Variants in IFT88 observed in about 807,000 individuals in gnomAD.
The protein encoded by IFT88 is intraflagellar transport protein 88 homolog.
In IFT88, 74 loss-of-function variants were observed where a neutral mutation model predicts 119.5. The observed-to-expected ratio is 0.62, with a 90% CI of 0.51 to 0.75. The LOEUF is 0.75. Among genes scored for constraint, IFT88 ranks in the 30% least tolerant of loss-of-function variants. IFT88 has a pLI of 0.00. For synonymous variants in IFT88, 279 were observed against 316.7 expected, an observed-to-expected ratio of 0.88 and a Z score of 1.26; for missense variants, 961 against 977.7, an observed-to-expected ratio of 0.98 and a Z score of 0.23.
intron 13 of IFT88, chr13:20,607,356 C>G (rs2043667456): frequency 3.6e-6 from 2 of 552,738 alleles, no homozygotes; most frequent in Non-Finnish European, 3.5e-6. Context: ...GTGCCCATGT[C>G]CTATGCACAC....
At chr13:20,588,296 C>T (rs2040075848) in intron 3 of IFT88, among the ~76,000 whole-genome samples, 1 of 151,818 alleles carries the variant, frequency 6.6e-6, no homozygotes, top group African/African-American at 2.4e-5. Context: ...AGTTCATTTT[C>T]CGTTGCTATT....
chr13:20,688,729 A>G (rs74036426), intron 24 of IFT88, among the ~76,000 whole-genome samples: 6,614 of 152,146 alleles, frequency 0.043, 187 homozygotes, highest in Middle Eastern at 0.075. Context: ...TATTGTAATT[A>G]TTATTTATTT....
At chr13:20,605,655 A>G (rs915053360) in intron 13 of IFT88, among the ~76,000 whole-genome samples, 1 of 152,146 alleles carries the variant, frequency 6.6e-6, no homozygotes, top group African/African-American at 2.4e-5. Context: ...TTAGTCCCAC[A>G]AGACTACTAC....
intron 24 of IFT88, among the ~76,000 whole-genome samples, chr13:20,681,801 A>G (rs1412049253): frequency 1.3e-5 from 2 of 152,240 alleles, no homozygotes; most frequent in Non-Finnish European, 2.9e-5. Context: ...GGCATCTCAA[A>G]AGCAGTCAGC....
chr13:20,631,258 G>A, intron 16 of IFT88, 156 bp downstream of exon 16: 1 of 573,100 alleles, frequency 1.7e-6, no homozygotes, highest in Non-Finnish European at 3.1e-6. Context: ...CAAGTGCCAG[G>A]CCAGGGGCTG....
At chr13:20,655,455 CAAAA>C (rs113356300) in intron 21 of IFT88, among the ~76,000 whole-genome samples, 1 of 145,460 alleles carries the variant, frequency 6.9e-6, no homozygotes. Flanking sequence ...AAAAAAAAAA[CAAAA>C]AAAACCACAC....
chr13:20,567,294 C>A (rs2035003195), intron 1 of IFT88, 38 bp downstream of exon 1: 1 of 152,260 alleles, frequency 6.6e-6, no homozygotes, highest in Admixed American at 6.5e-5. Context: ...CCTCAGGGCC[C>A]CTGGCAGCCG....
rs528587128 is a variant in IFT88 at position 20,626,043 on chromosome 13, C to CTTTTTT, written c.1299+224_1299+229dup. 4.0e-4 allele frequency among the ~76,000 whole-genome samples: 16 copies of CTTTTTT among 39,570 alleles called. 2 individuals are homozygous for CTTTTTT. Among genetic ancestry groups the CTTTTTT allele is most frequent in the African/African-American group, 1.3e-3 (11 of 8,578 alleles). 26.0% of individuals were successfully genotyped at this position (39,570 alleles called of 152,430 possible). ...ATTAATTTTTGCCTGTTTGTCGTTT[C>CTTTTTT]TTTTTTTTTTTTTTTTTTTTTTTTT... On this transcript the variant is annotated intron_variant, in intron 15 of 25. Coordinates refer to ENST00000351808, the MANE Select transcript of IFT88 (RefSeq NM_006531.5).
At chr13:20,648,868 G>C (rs1044822536) in intron 20 of IFT88, among the ~76,000 whole-genome samples, 2 of 152,120 alleles carry the variant, frequency 1.3e-5, no homozygotes, top group African/African-American at 4.8e-5. Context: ...CCAGAAGAGA[G>C]TTGGGAGGCT....
intron 2 of IFT88, 33 bp downstream of exon 2, chr13:20,574,508 T>C (rs928951522): frequency 1.7e-6 from 2 of 1,195,506 alleles, no homozygotes; most frequent in African/African-American, 3.0e-5. Context: ...TACATTGGTC[T>C]TGGTTAACCA....
At chr13:20,612,873 G>C (rs1355995408) in intron 13 of IFT88, among the ~76,000 whole-genome samples, 2 of 152,144 alleles carry the variant, frequency 1.3e-5, no homozygotes, top group Non-Finnish European at 2.9e-5. Flanking sequence ...AATTGTGCTG[G>C]GAAAAGTGGA....
chr13:20,606,199 C>T (rs2043418908), intron 13 of IFT88, among the ~76,000 whole-genome samples: 1 of 152,084 alleles, frequency 6.6e-6, no homozygotes, highest in African/African-American at 2.4e-5. Flanking sequence ...CAGTGGATGA[C>T]ACGTGGGGAG....
intron 24 of IFT88, among the ~76,000 whole-genome samples, chr13:20,682,726 A>G (rs1423110492): frequency 6.6e-6 from 1 of 152,238 alleles, no homozygotes; most frequent in Non-Finnish European, 1.5e-5. Flanking sequence ...AATATCATCT[A>G]TATAATGAAT....
intron 13 of IFT88, among the ~76,000 whole-genome samples, chr13:20,612,841 A>C (rs747127388): frequency 1.3e-4 from 20 of 152,354 alleles, no homozygotes; most frequent in Non-Finnish European, 2.2e-4. Context: ...ATTTAAGAGA[A>C]GAAAGGAGAG....
intron 7 of IFT88, among the ~76,000 whole-genome samples, chr13:20,594,913 T>A (rs533836024): frequency 6.6e-6 from 1 of 152,364 alleles, no homozygotes; most frequent in South Asian, 2.1e-4. Flanking sequence ...TTAAGAGAAC[T>A]ACTATCTATT....
intron 13 of IFT88, chr13:20,614,564 A>G (rs2139617049): frequency 6.6e-6 from 1 of 152,312 alleles, no homozygotes; most frequent in South Asian, 2.1e-4. Context: ...GGAGAGATGA[A>G]GAAGGGGTGG....
At chr13:20,567,723 T>A in intron 1 of IFT88, 1 of 1,264,898 alleles carries the variant, frequency 7.9e-7, no homozygotes, top group East Asian at 2.9e-5. Context: ...AAGATAAAAG[T>A]ACACAACAAT....
chr13:20,679,940 G>T (rs1441215156), intron 24 of IFT88, among the ~76,000 whole-genome samples: 4 of 152,100 alleles, frequency 2.6e-5, no homozygotes, highest in Non-Finnish European at 5.9e-5. Flanking sequence ...TTGTTTATAT[G>T]CAGGGTGACC....
chr13:20,623,650 G>A (rs1236235753), intron 14 of IFT88, among the ~76,000 whole-genome samples: 1 of 151,894 alleles, frequency 6.6e-6, no homozygotes, highest in Non-Finnish European at 1.5e-5. Context: ...AATTTTTTTT[G>A]TATTTTTAGT....
Sources: allele counts gnomAD v4.1 joint callset (sites outside exome capture counted in the v4.1 genomes callset), GRCh38; gene constraint gnomAD v4.1.1; transcripts MANE v1.5; gene names NCBI Gene and HGNC (gene_info 2026-07-23, HGNC 2026-07-21).